RGMA: variants seen among roughly 807,000 people sequenced by gnomAD.
RGMA encodes repulsive guidance molecule BMP co-receptor a.
In RGMA, 10 loss-of-function variants were observed where a neutral mutation model predicts 23.2. The observed-to-expected ratio is 0.43, with a 90% CI of 0.27 to 0.73. The LOEUF is 0.73. Ranked by LOEUF, RGMA falls within the 30% of genes least tolerant of loss-of-function variation. The probability of loss-of-function intolerance (pLI) is 0.20; values close to 1 mark genes in which losing one functional copy is unlikely to be tolerated. For missense variants in RGMA, 547 were observed against 630.5 expected (o/e 0.87, Z 1.42); for synonymous variants, 308 against 279.3 (o/e 1.10, Z -1.03).
chr15:93,056,248 C>T (rs2055011452), intron 2 of RGMA, among the ~76,000 whole-genome samples: 2 of 152,192 alleles, frequency 1.3e-5, no homozygotes, highest in Admixed American at 6.5e-5. Context: ...TGTGTGAAGG[C>T]GACATTTCCC....
intron 3 of RGMA, among the ~76,000 whole-genome samples, chr15:93,051,052 G>A (rs773882001): frequency 2.0e-5 from 3 of 152,212 alleles, no homozygotes; most frequent in Non-Finnish European, 4.4e-5. Context: ...TCATGTTGTG[G>A]TGCCAAGGGC....
Position 93,087,478 on chromosome 15 carries a change from A to AAAAC in RGMA, c.14+1440_14+1441insGTTT, listed in dbSNP as rs1291313374. On this transcript the variant is annotated intron_variant, in intron 1 of 3. Transcript: ENST00000329082. ...CTTTGTATGTGCAAAAAAAAAAAAAAAAAAAACCACAAAACCCAGTTTGGG... is the reference window on the plus strand; with the variant it reads ...CTTTGTATGTGCAAAAAAAAAAAAAAAAACAAAAAACCACAAAACCCAGTTTGGG... Among the ~76,000 whole-genome samples, 65 of 151,234 alleles carry AAAAC rather than the reference A, an allele frequency of 4.3e-4. 1 individual carries two copies. In the East Asian group the frequency reaches 9.1e-3, roughly 21 times the overall value.
chr15:93,086,635 C>T (rs979962720), intron 1 of RGMA, among the ~76,000 whole-genome samples: 1 of 152,166 alleles, frequency 6.6e-6, no homozygotes, highest in Non-Finnish European at 1.5e-5. Context: ...TGCCTGCTTC[C>T]TGGGAGCAGC....
intron 3 of RGMA, among the ~76,000 whole-genome samples, chr15:93,046,611 A>G (rs929880839): frequency 1.3e-5 from 2 of 152,130 alleles, no homozygotes; most frequent in African/African-American, 4.8e-5. Context: ...CAGCAGGTGG[A>G]ATGGAGGGAA....
rs960162385 is a variant in RGMA, at chr15:93,035,336, G to A, written c.*9662C>T. Reference sequence around the variant, plus strand: ...CAGTAAGAAAGACTTTATTTGAGGTGGGGGGCAGTGTTGGACAGGGACCGC... The same window carrying A: ...CAGTAAGAAAGACTTTATTTGAGGTAGGGGGCAGTGTTGGACAGGGACCGC... On this transcript the variant is annotated 3_prime_UTR_variant, in exon 4 of 4. Transcript: ENST00000329082. 3 of 152,244 alleles carry A rather than the reference G, an allele frequency of 2.0e-5. No homozygotes were observed. The highest frequency in any genetic ancestry group is 6.5e-5 in the Admixed American group (1 of 15,274). The allele number at this position is 152,244 out of a possible 1,614,324, so 9.4% of individuals were successfully genotyped here.
chr15:93,071,562 C>CCGGA (rs1340155310), intron 2 of RGMA, among the ~76,000 whole-genome samples: 1 of 152,164 alleles, frequency 6.6e-6, no homozygotes, highest in Non-Finnish European at 1.5e-5. Context: ...GTTGAGTAAG[C>CCGGA]CGGACGCACA....
intron 2 of RGMA, among the ~76,000 whole-genome samples, chr15:93,056,768 T>C (rs1305565574): frequency 6.6e-6 from 1 of 152,206 alleles, no homozygotes; most frequent in Non-Finnish European, 1.5e-5. Context: ...TTTCGGGAAC[T>C]TGACTCAGCC....
At chr15:93,073,414 A>C in intron 1 of RGMA, 2 of 725,230 alleles carry the variant, frequency 2.8e-6, no homozygotes, top group East Asian at 3.5e-5. Flanking sequence ...CCCTCGCGCC[A>C]TCTCCAGCCC....
rs2054710485 is a variant in RGMA, at chr15:93,040,465, T to C, written c.*4533A>G. Reference sequence around the variant, plus strand: ...GCTCTAGGGCTGTTACACTGTTTTCTCTGCACAGAATGCTCTGTCCGGCTC... The same window carrying C: ...GCTCTAGGGCTGTTACACTGTTTTCCCTGCACAGAATGCTCTGTCCGGCTC... On this transcript the variant is annotated 3_prime_UTR_variant, in exon 4 of 4. Transcript: ENST00000329082. 1 of 152,444 alleles carries C rather than the reference T, an allele frequency of 6.6e-6. No individual in the cohort carries two copies. The highest frequency in any genetic ancestry group is 1.5e-5 in the Non-Finnish European group (1 of 68,224). The allele number at this position is 152,444 out of a possible 1,614,324, so 9.4% of individuals were successfully genotyped here.
intron 1 of RGMA, among the ~76,000 whole-genome samples, chr15:93,080,023 C>A (rs1458231386): frequency 6.6e-6 from 1 of 151,874 alleles, no homozygotes; most frequent in Non-Finnish European, 1.5e-5. Context: ...TCCCTCACCA[C>A]CAGAGACTCT....
Position 93,040,288 on chromosome 15 carries a change from T to A in RGMA, c.*4710A>T, listed in dbSNP as rs1166379139. The stretch of plus-strand genomic sequence containing the variant: ...CCCGTGAACGGCTTCCTCTGGCAAC[T>A]GGAGTCAAACATCAAGTCCTCCCGG... On this transcript the variant is annotated 3_prime_UTR_variant, in exon 4 of 4. Transcript: ENST00000329082. The A allele has an allele frequency of 6.6e-6, 1 of 152,324 alleles. No homozygotes were observed. Among genetic ancestry groups the A allele is most frequent in the Non-Finnish European group, 1.5e-5 (1 of 68,122 alleles). 9.4% of individuals were successfully genotyped at this position (152,324 alleles called of 1,614,324 possible).
At chr15:93,073,775 G>C in intron 1 of RGMA, 1 of 1,536,848 alleles carries the variant, frequency 6.5e-7, no homozygotes, top group Non-Finnish European at 8.7e-7. Flanking sequence ...GGTTTGGCCT[G>C]CCTCCAGCAC....
intron 2 of RGMA, among the ~76,000 whole-genome samples, chr15:93,058,556 T>C (rs1038801740): frequency 2.6e-5 from 4 of 152,266 alleles, no homozygotes; most frequent in African/African-American, 4.8e-5. Context: ...GAGCATTTAC[T>C]GTGGGCTAGA....
intron 3 of RGMA, among the ~76,000 whole-genome samples, chr15:93,051,527 C>G (rs147523359): frequency 1.1e-4 from 16 of 152,282 alleles, no homozygotes; most frequent in African/African-American, 3.8e-4. Context: ...TGTCCACTTG[C>G]GTGGGTCCAT....
Position 93,044,594 on chromosome 15 carries a change from C to G in RGMA, c.*404G>C, listed in dbSNP as rs138086195. On this transcript the variant is annotated 3_prime_UTR_variant, in exon 4 of 4. Coordinates refer to ENST00000329082, the MANE Select transcript of RGMA (RefSeq NM_020211.3). ...AGTGTGTGCGTGCGTGTGGCGGGCA[C>G]AGGGGGCCCCACGGATCGGCGAGCA... 3.2e-3 allele frequency: 836 copies of G among 258,722 alleles called. 9 individuals carry two copies. The highest frequency in any genetic ancestry group is 0.016 in the South Asian group (286 of 17,704). The allele number at this position is 258,722 out of a possible 1,614,324, so 16.0% of individuals were successfully genotyped here. A position where few individuals can be genotyped will look rare whatever the true frequency, so the allele number is the denominator to read the frequency against.
At chr15:93,087,555 C>T (rs182941126) in intron 1 of RGMA, among the ~76,000 whole-genome samples, 9 of 151,412 alleles carry the variant, frequency 5.9e-5, no homozygotes, top group South Asian at 2.1e-4. Context: ...CCCAGTTCTC[C>T]TCCTGTTGCC....
chr15:93,049,659 G>A (rs538579746), intron 3 of RGMA, among the ~76,000 whole-genome samples: 107 of 152,366 alleles, frequency 7.0e-4, no homozygotes, highest in African/African-American at 2.5e-3. Flanking sequence ...GTGTTTGGGG[G>A]CAGCTTCATG....
At chr15:93,053,294 A>AAC (rs1225318271) in intron 2 of RGMA, among the ~76,000 whole-genome samples, 1 of 152,242 alleles carries the variant, frequency 6.6e-6, no homozygotes, top group Non-Finnish European at 1.5e-5. Flanking sequence ...TTATCTTCTC[A>AAC]ACACACAGAA....
Position 93,038,566 on chromosome 15 carries a change from G to GTTTTTTTTTTT in RGMA, c.*6431_*6432insAAAAAAAAAAA, listed in dbSNP as rs1178389064. 1 of 84,490 alleles carries GTTTTTTTTTTT rather than the reference G, an allele frequency of 1.2e-5. No homozygotes were observed. Among genetic ancestry groups the GTTTTTTTTTTT allele is most frequent in the African/African-American group, 4.2e-5 (1 of 23,676 alleles). 5.2% of individuals were successfully genotyped at this position (84,490 alleles called of 1,614,324 possible). On this transcript the variant is annotated 3_prime_UTR_variant, in exon 4 of 4. Coordinates refer to ENST00000329082, the MANE Select transcript of RGMA (RefSeq NM_020211.3). Reference sequence around the variant, plus strand: ...ATTGCCTTAATGAACGAAACTGTTAGTTGTTTTTTTTTTTTTTTTGAGACG... The same window carrying GTTTTTTTTTTT: ...ATTGCCTTAATGAACGAAACTGTTAGTTTTTTTTTTTTTGTTTTTTTTTTTTTTTTGAGACG...
Sources: allele counts gnomAD v4.1 joint callset (sites outside exome capture counted in the v4.1 genomes callset), GRCh38; gene constraint gnomAD v4.1.1; transcripts MANE v1.5; gene names NCBI Gene and HGNC (gene_info 2026-07-23, HGNC 2026-07-21).